Variants in SIDT1 observed in about 807,000 individuals in gnomAD.
The protein encoded by SIDT1 is SID1 transmembrane family, member 1.
A neutral mutation model predicts 107.5 loss-of-function variants in SIDT1; 101 were observed. The observed-to-expected ratio is 0.94, with a 90% CI of 0.80 to 1.11. The LOEUF (loss-of-function observed/expected upper bound fraction) is 1.11, where lower values mean the gene tolerates loss of function less well. Among genes scored for constraint, SIDT1 ranks in the 50% least tolerant of loss-of-function variants. The pLI is 0.00. For synonymous variants in SIDT1, 395 were observed against 398.2 expected (o/e 0.99, Z 0.10); for missense variants, 1,076 against 1,058.2 (o/e 1.02, Z -0.23).
At chr3:113,625,859 C>A (rs1946813968) in intron 23 of SIDT1, 1 of 418,514 alleles carries the variant, frequency 2.4e-6, no homozygotes, top group Non-Finnish European at 4.2e-6. Flanking sequence ...TCACTTTGTT[C>A]GTCATTTCCT....
At chr3:113,534,905 C>T (rs1214758990) in intron 1 of SIDT1, among the ~76,000 whole-genome samples, 2 of 152,142 alleles carry the variant, frequency 1.3e-5, no homozygotes, top group Non-Finnish European at 2.9e-5. Context: ...CCTAGTAAAC[C>T]TTGAGATATT....
intron 1 of SIDT1, among the ~76,000 whole-genome samples, chr3:113,560,337 C>T (rs767450671): frequency 2.6e-4 from 40 of 152,248 alleles, no homozygotes; most frequent in Non-Finnish European, 4.4e-4. Context: ...TACCATCATA[C>T]TCATCACATT....
rs527961944 is a variant in SIDT1, at chr3:113,563,595, A to G, written c.223-2825A>G. ...TAAAATCCGGAACGTGGGTTCTTCT[A>G]CAGATTTGTATTGCTGTTTTGTGAG... is the stretch of plus-strand genomic sequence containing the variant. On this transcript the variant is annotated intron_variant, in intron 1 of 24. Coordinates refer to ENST00000264852, the MANE Select transcript of SIDT1 (RefSeq NM_017699.3). Among the ~76,000 whole-genome samples the G allele has an allele frequency of 4.6e-5, 7 of 152,334 alleles. No individual in the cohort carries two copies. The East Asian group carries it at 1.2e-3, about 25-fold the overall frequency.
At chr3:113,620,792 G>T (rs2107804962) in intron 21 of SIDT1, among the ~76,000 whole-genome samples, 1 of 152,320 alleles carries the variant, frequency 6.6e-6, no homozygotes, top group Middle Eastern at 3.4e-3. Context: ...TCCTGAAAGA[G>T]AGGGCAATGG....
intron 11 of SIDT1, 172 bp downstream of exon 11, chr3:113,601,831 C>G (rs754193829): frequency 1.8e-6 from 1 of 542,718 alleles, no homozygotes; most frequent in Non-Finnish European, 3.3e-6. Flanking sequence ...CCTCCCAGCT[C>G]TAACTTTCTC....
At chr3:113,602,780 T>A (rs1945051076) in intron 11 of SIDT1, 2 of 409,068 alleles carry the variant, frequency 4.9e-6, no homozygotes, top group Admixed American at 4.2e-5. Context: ...CTAATATGTG[T>A]TCAGTCCTGA....
In SIDT1 at chr3:113,603,265, C is replaced by CCCAGAAGA. The variant is rs564313151; in HGVS notation, c.1263+117_1263+124dup. 1.5e-4 allele frequency: 165 copies of CCCAGAAGA among 1,088,164 alleles called. 3 individuals are homozygous for CCCAGAAGA. In the South Asian group the frequency reaches 2.5e-3, roughly 16 times the overall value. 67.4% of individuals were successfully genotyped at this position (1,088,164 alleles called of 1,614,324 possible). A position where few individuals can be genotyped will look rare whatever the true frequency, so the allele number is the denominator to read the frequency against. ...GTTTCCTTCAGGGAAACCCAAATTT[C>CCCAGAAGA]CCAGAAGACTTAAATCAAATGTACC... On this transcript the variant is annotated intron_variant, in intron 12 of 24. Coordinates refer to ENST00000264852, the MANE Select transcript of SIDT1 (RefSeq NM_017699.3).
intron 3 of SIDT1, among the ~76,000 whole-genome samples, chr3:113,573,062 TTACTTTTACAC>T (rs1942603022): frequency 6.6e-6 from 1 of 151,870 alleles, no homozygotes; most frequent in African/African-American, 2.4e-5. Flanking sequence ...TGGTGGCAGG[TTACTTTTACAC>T]TAATAGAATG....
At chr3:113,555,937 A>C (rs936485064) in intron 1 of SIDT1, among the ~76,000 whole-genome samples, 1 of 151,188 alleles carries the variant, frequency 6.6e-6, no homozygotes, top group Admixed American at 6.6e-5. Context: ...CTGATTGACC[A>C]ATGAATGGAT....
In SIDT1 at chr3:113,620,059, G is replaced by GATAA. The variant is rs1946359563; in HGVS notation, c.2090+336_2090+337insAATA. 3 of 175,246 alleles carry GATAA rather than the reference G, an allele frequency of 1.7e-5. No homozygotes were observed. The Admixed American group carries it at 1.8e-4, about 11-fold the overall frequency. 10.9% of individuals were successfully genotyped at this position (175,246 alleles called of 1,614,324 possible). Reference sequence around the variant, plus strand: ...TAGATAGATAGATGATAGATAAATAGATAGATAGATAGATAGATAGATAAT... The same window carrying GATAA: ...TAGATAGATAGATGATAGATAAATAGATAAATAGATAGATAGATAGATAGATAAT... On this transcript the variant is annotated intron_variant, in intron 21 of 24. Coordinates refer to ENST00000264852, the MANE Select transcript of SIDT1 (RefSeq NM_017699.3).
At chr3:113,555,709 G>A (rs1241241951) in intron 1 of SIDT1, among the ~76,000 whole-genome samples, 2 of 152,088 alleles carry the variant, frequency 1.3e-5, no homozygotes, top group African/African-American at 2.4e-5. Flanking sequence ...ACAAAATGCC[G>A]AGAATTTAAA....
In SIDT1 at chr3:113,623,714, A is replaced by G. The variant is rs535038248; in HGVS notation, c.2288A>G (p.Gln763Arg). 1.2e-6 allele frequency: 2 copies of G among 1,613,658 alleles called. No homozygotes were observed. Among genetic ancestry groups the G allele is most frequent in the African/African-American group, 2.7e-5 (2 of 75,042 alleles). ...MWAAALYFFF[Q>R]NLSSWEGTPA... ...GCTGCCGCCCTATATTTTTTCTTCC[A>G]GAATCTCAGCAGCTGGGAGGTAAGA... The change falls in exon 23 of 25, where the codon CAG becomes CGG. Residue 763 changes from glutamine to arginine, a missense_variant. Transcript: ENST00000264852.
chr3:113,634,119 T>C (rs1947109437), downstream of SIDT1, among the ~76,000 whole-genome samples: 1 of 152,152 alleles, frequency 6.6e-6, no homozygotes, highest in Admixed American at 6.5e-5. Context: ...AACAGAGATC[T>C]AGAGAGAAGG....
At position 113,580,619 on chromosome 3, in the gene SIDT1, C is replaced by A; in HGVS notation, c.573C>A (p.Tyr191Ter). The change falls in exon 5 of 25, where the codon TAC (tyrosine) becomes TAA (stop). Residue 191 changes from tyrosine (Y) to a stop codon, truncating the protein, a stop_gained. Transcript: ENST00000264852. LOFTEE classifies it high-confidence loss of function. ...ASPSQPQYFL[Y>*]KFPKDVDSVI... ...TTTCTTATTCTCAGTATTTTCTATA[C>A]AAGTTTCCCAAAGACGTGGACTCAG... is the stretch of plus-strand genomic sequence containing the variant. The A allele has an allele frequency of 6.3e-7, 1 of 1,599,224 alleles. No individual in the cohort carries two copies. The highest frequency in any genetic ancestry group is 1.1e-5 in the South Asian group (1 of 90,774).
At position 113,611,132 on chromosome 3, in the gene SIDT1, C is replaced by T. The variant is rs746763581; in HGVS notation, c.1845C>T (p.Thr615=). The change falls in exon 18 of 25, where the codon ACC becomes ACT. Residue 615 remains threonine, a synonymous_variant. Coordinates refer to ENST00000264852, the MANE Select transcript of SIDT1 (RefSeq NM_017699.3). ...CCTTTGCTGTGGTCATCATGGTCAC[C>T]GTCCTTGGAGTGGTGCGTCCCCCAC... ...YASFAVVIMV[T]VLGVVFGKND... 1.2e-6 allele frequency: 2 copies of T among 1,613,962 alleles called. No individual in the cohort carries two copies. The highest frequency in any genetic ancestry group is 1.7e-6 in the Non-Finnish European group (2 of 1,179,922).
rs769028272 is a variant in SIDT1, at chr3:113,584,755, T to C, written c.893T>C (p.Val298Ala). The C allele has an allele frequency of 3.8e-6, 6 of 1,593,884 alleles. 1 individual carries two copies. The highest frequency in any genetic ancestry group is 5.1e-6 in the Non-Finnish European group (6 of 1,174,238). Residue 298 changes from valine (V) to alanine (A), a missense_variant, in exon 8 of 25, where the codon GTC (valine) becomes GCC (alanine). Physicochemically the swap from Val to Ala is moderately conservative, Grantham distance 64. Transcript: ENST00000264852. Reference sequence around the variant, plus strand: ...AAAAAGAACCTTGAAGTGACCATTGTCCCTTCCATTAAAGGTCAGTGTTGG... The same window carrying C: ...AAAAAGAACCTTGAAGTGACCATTGCCCCTTCCATTAAAGGTCAGTGTTGG... Reference protein sequence around the residue: ...QRKKNLEVTIVPSIKESVYVK... With the variant: ...QRKKNLEVTIAPSIKESVYVK...
intron 21 of SIDT1, 70 bp downstream of exon 21, chr3:113,619,796 G>T: frequency 1.5e-6 from 2 of 1,374,522 alleles, no homozygotes; most frequent in South Asian, 2.4e-5. Flanking sequence ...AGCTTTCCTT[G>T]ACTGTCATTT....
At chr3:113,634,648 AAT>A in the SIDT1 span, among the ~76,000 whole-genome samples, 2 of 152,056 alleles carry the variant, frequency 1.3e-5, no homozygotes, top group Non-Finnish European at 2.9e-5. Flanking sequence ...ATACAAAAAA[AAT>A]AAAAATAGCC....
chr3:113,605,017 C>T, intron 14 of SIDT1, 41 bp downstream of exon 14: 1 of 1,605,858 alleles, frequency 6.2e-7, no homozygotes, highest in Non-Finnish European at 8.5e-7. Flanking sequence ...TCCCAGCTTT[C>T]TTTCTGCAGG....
Sources: allele counts gnomAD v4.1 joint callset (sites outside exome capture counted in the v4.1 genomes callset), GRCh38; gene constraint gnomAD v4.1.1; transcripts MANE v1.5; gene names NCBI Gene and HGNC (gene_info 2026-07-23, HGNC 2026-07-21).